TTLL9: variants seen among roughly 807,000 people sequenced by gnomAD.
TTLL9 encodes tubulin tyrosine ligase like 9, also known as probable tubulin polyglutamylase TTLL9.
Under a neutral mutation model 65.6 loss-of-function variants are expected in TTLL9, and 47 were observed. The ratio of observed to expected loss-of-function variants is 0.72; its 90% CI spans 0.57 to 0.91. The LOEUF (loss-of-function observed/expected upper bound fraction) is 0.91. TTLL9 is among the 40% of genes least tolerant of loss of function. TTLL9 has a pLI of 0.00. For missense variants in TTLL9, 537 were observed against 568.8 expected, an observed-to-expected ratio of 0.94 and a Z score of 0.57; for synonymous variants, 179 against 204.8, an observed-to-expected ratio of 0.87 and a Z score of 1.07.
chr20:31,926,459 T>A (rs2063908766), intron 10 of TTLL9, among the ~76,000 whole-genome samples: 1 of 152,186 alleles, frequency 6.6e-6, no homozygotes, highest in Non-Finnish European at 1.5e-5. Flanking sequence ...AATTGATTGG[T>A]ATGACTCCTT....
At chr20:31,873,817 G>A (rs374048579) in intron 2 of TTLL9, among the ~76,000 whole-genome samples, 217 of 82,158 alleles carry the variant, frequency 2.6e-3, no homozygotes, top group Non-Finnish European at 3.5e-3. Context: ...AGGAAGGAAG[G>A]AAGGAAGAAA....
chr20:31,917,399 C>G (rs2123540356), intron 6 of TTLL9, among the ~76,000 whole-genome samples: 1 of 152,308 alleles, frequency 6.6e-6, no homozygotes, highest in South Asian at 2.1e-4. Flanking sequence ...TATTAACTGT[C>G]ATCGTTGTAT....
At chr20:31,894,681 CACAT>C (rs1389900397) in intron 3 of TTLL9, among the ~76,000 whole-genome samples, 1 of 151,562 alleles carries the variant, frequency 6.6e-6, no homozygotes, top group Admixed American at 6.6e-5. Flanking sequence ...TACATATATA[CACAT>C]ACATACACAC....
intron 4 of TTLL9, among the ~76,000 whole-genome samples, chr20:31,906,842 G>C (rs556197629): frequency 6.6e-6 from 1 of 151,992 alleles, no homozygotes; most frequent in African/African-American, 2.4e-5. Flanking sequence ...TAGAAATGGG[G>C]TTTCACCATG....
intron 3 of TTLL9, among the ~76,000 whole-genome samples, chr20:31,897,176 G>A (rs2123460259): frequency 6.6e-6 from 1 of 152,268 alleles, no homozygotes; most frequent in East Asian, 1.9e-4. Flanking sequence ...TTTTTGGGAG[G>A]TTTTGAATTA....
In TTLL9 at chr20:31,943,201, C is replaced by T. The variant is rs978838025; in HGVS notation, c.*180C>T. ...TTGGGCCCCTTGGATACCTCCAGCC[C>T]ATCCCCAGGCATCTTTGCACCAGGA... On this transcript the variant is annotated 3_prime_UTR_variant, in exon 15 of 15. Coordinates refer to ENST00000535842, the MANE Select transcript of TTLL9 (RefSeq NM_001008409.5). The T allele has an allele frequency of 6.3e-5, 39 of 620,802 alleles. No individual in the cohort carries two copies. The highest frequency in any genetic ancestry group is 9.2e-5 in the Non-Finnish European group (32 of 347,194). 38.5% of individuals were successfully genotyped at this position (620,802 alleles called of 1,614,324 possible). A position where few individuals can be genotyped will look rare whatever the true frequency, so the allele number is the denominator to read the frequency against.
chr20:31,873,828 GAAAGAAAGAAAGA>G (rs1555800234), intron 2 of TTLL9, among the ~76,000 whole-genome samples: 317 of 61,298 alleles, frequency 5.2e-3, no homozygotes, highest in Non-Finnish European at 8.0e-3. Flanking sequence ...AAGGAAGAAA[GAAAGAAAGAAAGA>G]AAGAAAGAAA....
Position 31,902,109 on chromosome 20 carries a change from CTTT to C in TTLL9, c.206+3551_206+3553del, listed in dbSNP as rs59764711. ...TCACAAAGTTGTGTAATCATCACCA[CTTT>C]TTTTTTCCCCCACATACCTGCTGTG... On this transcript the variant is annotated intron_variant, in intron 4 of 14. Coordinates refer to ENST00000535842, the MANE Select transcript of TTLL9 (RefSeq NM_001008409.5). Among the ~76,000 whole-genome samples, 1,069 of 151,656 alleles carry C rather than the reference CTTT, an allele frequency of 7.0e-3. 15 individuals are homozygous for C. The highest frequency in any genetic ancestry group is 0.024 in the African/African-American group (974 of 41,350).
At chr20:31,881,571 T>C (rs1456601430) in intron 2 of TTLL9, among the ~76,000 whole-genome samples, 6 of 151,682 alleles carry the variant, frequency 4.0e-5, no homozygotes, top group Non-Finnish European at 7.4e-5. Context: ...AAATTAATAC[T>C]CTTTAAATAC....
At chr20:31,873,483 T>TCC (rs2062967856) in intron 2 of TTLL9, among the ~76,000 whole-genome samples, 1 of 151,842 alleles carries the variant, frequency 6.6e-6, no homozygotes, top group Non-Finnish European at 1.5e-5. Context: ...ATTTCGTCTC[T>TCC]ACAAACAAAC....
chr20:31,920,049 G>T (rs2063793403), intron 7 of TTLL9, 117 bp downstream of exon 7: 1 of 935,454 alleles, frequency 1.1e-6, no homozygotes, highest in Non-Finnish European at 1.5e-6. Context: ...CTGCCCACAG[G>T]TCTGCCCATT....
At chr20:31,885,167 C>G (rs1413047021) in intron 2 of TTLL9, among the ~76,000 whole-genome samples, 2 of 152,154 alleles carry the variant, frequency 1.3e-5, no homozygotes, top group Non-Finnish European at 2.9e-5. Flanking sequence ...CAGTCAAAAT[C>G]TCAACATGTT....
At chr20:31,916,434 A>C (rs1050657217) in intron 6 of TTLL9, among the ~76,000 whole-genome samples, 3 of 152,220 alleles carry the variant, frequency 2.0e-5, no homozygotes, top group Non-Finnish European at 2.9e-5. Flanking sequence ...ATCAGCCCCG[A>C]TGTAACACCA....
chr20:31,920,227 G>A (rs1342111789), intron 7 of TTLL9, among the ~76,000 whole-genome samples: 1 of 102,002 alleles, frequency 9.8e-6, no homozygotes, highest in Non-Finnish European at 2.2e-5. Context: ...AAGCAAACAC[G>A]CGCACACACA....
Position 31,943,759 on chromosome 20 carries a change from T to C in TTLL9, c.*738T>C. ...AAGTCAGATGGGTGACTTAAGTGCT[T>C]CTCTAGGCCTTGTGTTTGAGATTGG... On this transcript the variant is annotated 3_prime_UTR_variant, in exon 15 of 15. Coordinates refer to ENST00000535842, the MANE Select transcript of TTLL9 (RefSeq NM_001008409.5). 1 of 456,702 alleles carries C rather than the reference T, an allele frequency of 2.2e-6. No individual in the cohort carries two copies. Among genetic ancestry groups the C allele is most frequent in the Admixed American group, 2.3e-5 (1 of 42,578 alleles). The allele number at this position is 456,702 out of a possible 1,614,324, so 28.3% of individuals were successfully genotyped here.
At chr20:31,942,299 T>C (rs947961982) in intron 14 of TTLL9, among the ~76,000 whole-genome samples, 1 of 152,206 alleles carries the variant, frequency 6.6e-6, no homozygotes, top group Non-Finnish European at 1.5e-5. Flanking sequence ...AGCCAACATG[T>C]AGCACCATGA....
chr20:31,896,730 A>G (rs1005145692), intron 3 of TTLL9, among the ~76,000 whole-genome samples: 3 of 152,004 alleles, frequency 2.0e-5, no homozygotes, highest in African/African-American at 7.2e-5. Flanking sequence ...GGATTTCACA[A>G]TGTTGGCCAG....
At position 31,914,346 on chromosome 20, in the gene TTLL9, T is replaced by G. The variant is rs182426162; in HGVS notation, c.504+4424T>G. ...GAAATGTGTGGACCCTATCACAGAA[T>G]AGTGGTGTTTTTTTAACCACTTCAT... On this transcript the variant is annotated intron_variant, in intron 6 of 14. Transcript: ENST00000535842. Among the ~76,000 whole-genome samples, 39 of 152,326 alleles carry G rather than the reference T, an allele frequency of 2.6e-4. 1 individual carries two copies. Among genetic ancestry groups the G allele is most frequent in the Admixed American group, 2.2e-3 (34 of 15,304 alleles).
intron 3 of TTLL9, among the ~76,000 whole-genome samples, chr20:31,891,429 T>C (rs2063305964): frequency 6.6e-6 from 1 of 152,256 alleles, no homozygotes; most frequent in Admixed American, 6.5e-5. Flanking sequence ...GTTTCGGGTC[T>C]ATTGCATGTA....
Sources: gnomAD v4.1 joint callset for allele counts (sites outside exome capture counted in the v4.1 genomes callset) on GRCh38, gnomAD v4.1.1 for gene constraint, MANE v1.5 for transcripts, NCBI Gene and HGNC (gene_info 2026-07-23, HGNC 2026-07-21) for gene names.